The following MAX variants were observed in gnomAD, a reference collection of about 807,000 sequenced individuals.
MAX encodes MYC associated transcriptional regulator X.
Under a neutral mutation model 22.3 loss-of-function variants are expected in MAX, and 3 were observed. The ratio of observed to expected loss-of-function variants is 0.13; its 90% CI spans 0.06 to 0.35. MAX has a LOEUF of 0.35. MAX is among the 10% of genes least tolerant of loss of function. The pLI, the probability that MAX is intolerant of heterozygous loss-of-function variation, is 1.00. For synonymous variants in MAX, 72 were observed against 77.7 expected, an observed-to-expected ratio of 0.93 and a Z score of 0.39; for missense variants, 119 against 209.4, an observed-to-expected ratio of 0.57 and a Z score of 2.66.
chr14:65,059,738 A>G lies in MAX; in HGVS notation c.171+33970T>C, dbSNP rs147261419. Among the ~76,000 whole-genome samples, 389 of 151,992 alleles carry G rather than the reference A, an allele frequency of 2.6e-3. 3 individuals are homozygous for G. The highest frequency in any genetic ancestry group is 0.015 in the East Asian group (80 of 5,192). Reference sequence around the variant, plus strand: ...TTTTGGGTTTCTGTGATGTACTAGAATAACATCTATTTAATTTAAATTTCA... The same window carrying G: ...TTTTGGGTTTCTGTGATGTACTAGAGTAACATCTATTTAATTTAAATTTCA... On this transcript the variant is annotated intron_variant, in intron 3 of 3. Coordinates refer to the MAX transcript ENST00000341653.
chr14:65,041,513 G>A (rs2062352662), intron 3 of MAX, among the ~76,000 whole-genome samples: 1 of 152,180 alleles, frequency 6.6e-6, no homozygotes, highest in Admixed American at 6.5e-5. Flanking sequence ...ACGGCCACCA[G>A]GGAGAAGGCA....
rs2061922489 is a variant in MAX, at chr14:65,023,384, G to A, written c.172-17100C>T. ...ATCAATCACTTTAGATCAGTCCTCA[G>A]CCATCACCTAAGAGTCCCAAGTAAA... On this transcript the variant is annotated intron_variant, in intron 3 of 3. Transcript: ENST00000341653. The surrounding 1 kb of genome is among the most constrained non-coding windows in gnomAD (Gnocchi z 4.1). Among the ~76,000 whole-genome samples the A allele has an allele frequency of 6.6e-6, 1 of 152,130 alleles. No individual in the cohort carries two copies. Among genetic ancestry groups the A allele is most frequent in the South Asian group, 2.1e-4 (1 of 4,830 alleles).
downstream of MAX, among the ~76,000 whole-genome samples, chr14:65,072,771 G>C (rs189232548): frequency 1.2e-4 from 18 of 152,324 alleles, no homozygotes; most frequent in African/African-American, 3.8e-4. Flanking sequence ...GAATCGTGGT[G>C]GGAGGGAATG....
At chr14:65,037,795 TATTG>T (rs2062246563) in intron 3 of MAX, among the ~76,000 whole-genome samples, 1 of 137,800 alleles carries the variant, frequency 7.3e-6, no homozygotes, top group Non-Finnish European at 1.5e-5. Context: ...TTTATTTATT[TATTG>T]AGATGGTGCC....
chr14:65,094,172 T>C (rs2063594526), intron 2 of MAX: 1 of 333,478 alleles, frequency 3.0e-6, no homozygotes, highest in African/African-American at 2.1e-5. Context: ...AGGAAGTGAC[T>C]AGAGAAAGCT....
At chr14:65,061,288 A>G (rs763613676) in intron 3 of MAX, 8 of 1,614,066 alleles carry the variant, frequency 5.0e-6, no homozygotes, top group East Asian at 2.2e-5. Context: ...AGGATGAGAC[A>G]TCGGCAGAGC....
upstream of MAX, chr14:65,102,542 G>A: frequency 6.9e-7 from 1 of 1,447,080 alleles, no homozygotes; most frequent in South Asian, 1.4e-5. Flanking sequence ...ACGGCGGCAC[G>A]CACGCCCGGT....
chr14:65,044,531 G>T lies in MAX; in HGVS notation c.172-38247C>A. On this transcript the variant is annotated intron_variant, in intron 3 of 3. Transcript: ENST00000341653. The surrounding 1 kb of genome is among the most constrained non-coding windows in gnomAD (Gnocchi z 5.5). ...GAAGCCCAGCGTGCTTTTTTAGAGG[G>T]GTTGAAATGAGCTCTGTCTATCCTG... The T allele has an allele frequency of 6.5e-7, 1 of 1,527,354 alleles. No individual in the cohort carries two copies. Among genetic ancestry groups the T allele is most frequent in the Non-Finnish European group, 8.8e-7 (1 of 1,142,636 alleles). The allele number at this position is 1,527,354 out of a possible 1,614,324, so 94.6% of individuals were successfully genotyped here.
chr14:65,019,737 A>G lies in MAX; in HGVS notation c.172-13453T>C, dbSNP rs192276014. Among the ~76,000 whole-genome samples, 41 of 152,278 alleles carry G rather than the reference A, an allele frequency of 2.7e-4. 3 individuals are homozygous for G. The highest frequency in any genetic ancestry group is 2.4e-3 in the Admixed American group (36 of 15,286). The stretch of plus-strand genomic sequence containing the variant: ...CATTTCTTAGACTTCCCAATAATGT[A>G]TTTTGCTTTGTGCCTAGGAGGTGGT... On this transcript the variant is annotated intron_variant, in intron 3 of 3. Transcript: ENST00000341653.
intron 3 of MAX, among the ~76,000 whole-genome samples, chr14:65,008,812 A>G (rs992207055): frequency 1.6e-4 from 25 of 152,314 alleles, no homozygotes; most frequent in African/African-American, 6.0e-4. Flanking sequence ...CTCACCCCTC[A>G]TAAGAAATTC....
intron 3 of MAX, among the ~76,000 whole-genome samples, chr14:65,086,711 G>C (rs1206645380): frequency 2.0e-5 from 3 of 152,218 alleles, no homozygotes; most frequent in African/African-American, 7.2e-5. Context: ...GAGCATAAAA[G>C]TTCAGAAAAT....
chr14:65,021,970 C>T (rs762421565), intron 3 of MAX: 9 of 455,992 alleles, frequency 2.0e-5, no homozygotes, highest in South Asian at 1.4e-4. Flanking sequence ...TTCGACCTGA[C>T]CATTCTTCCA....
chr14:65,084,095 G>C lies in MAX; in HGVS notation c.172-6059C>G, dbSNP rs2139797302. On this transcript the variant is annotated intron_variant, in intron 3 of 4. Coordinates refer to ENST00000358664, the MANE Select transcript of MAX (RefSeq NM_002382.5). This position sits in a 1 kb window ranked among gnomAD's most constrained non-coding sequence, Gnocchi z 4.3. ...CACAGGACCATTTTGCTGATTACCA[G>C]GGTAAGGCAGAGCTATCAGCCCTCA... The C allele has an allele frequency of 6.2e-7, 1 of 1,601,496 alleles. No individual in the cohort carries two copies. The highest frequency in any genetic ancestry group is 2.3e-5 in the East Asian group (1 of 44,418).
rs945383736 is a variant in MAX at position 65,012,204 on chromosome 14, C to G, written c.172-5920G>C. ...TTGCTGGTTATCCAGTCAGTGATTG[C>G]AGGGGGACGTCCTGAAGCTGAGTGT... On this transcript the variant is annotated intron_variant, in intron 3 of 3. Coordinates refer to the MAX transcript ENST00000341653. The surrounding 1 kb of genome is among the most constrained non-coding windows in gnomAD (Gnocchi z 5.0). The G allele has an allele frequency of 1.5e-6, 2 of 1,315,240 alleles. No homozygotes were observed. Among genetic ancestry groups the G allele is most frequent in the African/African-American group, 1.5e-5 (1 of 66,352 alleles). The allele number at this position is 1,315,240 out of a possible 1,614,324, so 81.5% of individuals were successfully genotyped here.
At chr14:65,073,121 C>T (rs1007407950), downstream of MAX, among the ~76,000 whole-genome samples, 3 of 152,132 alleles carry the variant, frequency 2.0e-5, no homozygotes, top group Non-Finnish European at 4.4e-5. Context: ...TCATTTAAGC[C>T]TCATAACCAT....
intron 3 of MAX, chr14:65,053,308 C>T: frequency 6.9e-7 from 1 of 1,454,264 alleles, no homozygotes; most frequent in Non-Finnish European, 9.1e-7. Context: ...TCCTGATGTG[C>T]TGCCAGTGCC....
intron 3 of MAX, among the ~76,000 whole-genome samples, chr14:65,058,248 G>T: frequency 6.7e-6 from 1 of 149,290 alleles, no homozygotes; most frequent in African/African-American, 2.5e-5. Context: ...TTTCCATAAA[G>T]GACTAGCATT....
intron 3 of MAX, among the ~76,000 whole-genome samples, chr14:65,035,954 C>T (rs953798400): frequency 2.0e-4 from 30 of 151,082 alleles, no homozygotes; most frequent in African/African-American, 7.3e-4. Flanking sequence ...ACCTCAGCCT[C>T]CTGAGTAGCA....
At chr14:65,074,468 C>T (rs1357842802), downstream of MAX, among the ~76,000 whole-genome samples, 1 of 152,232 alleles carries the variant, frequency 6.6e-6, no homozygotes, top group Non-Finnish European at 1.5e-5. Context: ...CAGTGCTCTC[C>T]ACCACTCTAA....
Sources: allele counts gnomAD v4.1 joint callset (sites outside exome capture counted in the v4.1 genomes callset), GRCh38; gene constraint gnomAD v4.1.1; non-coding constraint Gnocchi (gnomAD v3.1); transcripts MANE v1.5; gene names NCBI Gene and HGNC (gene_info 2026-07-23, HGNC 2026-07-21).